PCGF6: variants seen among roughly 807,000 people sequenced by gnomAD.
PCGF6 encodes the protein polycomb group ring finger 6.
PCGF6 carries 24 observed loss-of-function variants against 45.5 expected under a neutral mutation model. The observed-to-expected ratio is 0.53, with a 90% CI of 0.38 to 0.74. The LOEUF (loss-of-function observed/expected upper bound fraction) is 0.74. Ranked by LOEUF, PCGF6 falls within the 30% of genes least tolerant of loss-of-function variation. The probability of loss-of-function intolerance (pLI) is 0.00; values close to 1 mark genes in which losing one functional copy is unlikely to be tolerated. For synonymous variants in PCGF6, 152 were observed against 162.1 expected, an observed-to-expected ratio of 0.94 and a Z score of 0.47; for missense variants, 356 against 443.2, an observed-to-expected ratio of 0.80 and a Z score of 1.77.
chr10:103,334,023 T>A, intron 6 of PCGF6, 71 bp from the exon 7 acceptor site: 1 of 1,038,914 alleles, frequency 9.6e-7, no homozygotes, highest in Non-Finnish European at 1.3e-6. Context: ...AAACAACATA[T>A]ATAAATATTT....
rs1337637382 is a variant in PCGF6 at position 103,345,132 on chromosome 10, G to A, written c.674C>T (p.Ala225Val). The stretch of plus-strand genomic sequence containing the variant: ...GCTTGAAGGGACTGGCTGTGGAACA[G>A]CTATTTAATAGTCAAACAAAAATGT... ...KERGLEVPKP[A>V]VPQPVPSSKG... The change falls in exon 6 of 10, where the codon GCT (alanine) becomes GTT (valine). Residue 225 changes from alanine (A) to valine (V), a missense_variant and splice_region_variant. By Grantham distance (64) the Ala-to-Val change is moderately conservative. Around this residue, in one of 2 missense-constraint regions of PCGF6, gnomAD observed 307 missense variants for 350.1 expected, o/e 0.88. Transcript: ENST00000369847. The A allele has an allele frequency of 1.6e-5, 25 of 1,585,852 alleles. No individual in the cohort carries two copies. Among genetic ancestry groups the A allele is most frequent in the Non-Finnish European group, 2.1e-5 (24 of 1,166,602 alleles).
chr10:103,345,026 A>G lies in PCGF6; in HGVS notation c.780T>C (p.Ile260=). The G allele has an allele frequency of 6.3e-7, 1 of 1,587,366 alleles. No homozygotes were observed. Among genetic ancestry groups the G allele is most frequent in the Non-Finnish European group, 8.6e-7 (1 of 1,161,206 alleles). The change falls in exon 6 of 10, where the codon ATT becomes ATC. Residue 260 remains isoleucine, a splice_region_variant and synonymous_variant. Coordinates refer to ENST00000369847, the MANE Select transcript of PCGF6 (RefSeq NM_001011663.2). The part of the protein sequence containing the change: ...ELDMSLLLEF[I]GANEGTGHFK... The stretch of plus-strand genomic sequence containing the variant: ...AGGTAAATTTTTAGGGTACTCACCC[A>G]ATGAACTCCAGTAATAAAGACATAT...
At chr10:103,312,347 C>G (rs781638792) in intron 9 of PCGF6, 1 of 151,158 alleles carries the variant, frequency 6.6e-6, no homozygotes, top group Non-Finnish European at 1.5e-5. Flanking sequence ...GAGCTGAGAT[C>G]GCACCACTGC....
chr10:103,334,661 C>T (rs958057301), intron 6 of PCGF6, among the ~76,000 whole-genome samples: 2 of 152,092 alleles, frequency 1.3e-5, no homozygotes, highest in African/African-American at 4.8e-5. Context: ...ATTACCTGGA[C>T]ATAATTTTAC....
intron 8 of PCGF6, among the ~76,000 whole-genome samples, chr10:103,324,274 T>C (rs2093208337): frequency 6.8e-6 from 1 of 148,128 alleles, no homozygotes; most frequent in Non-Finnish European, 1.5e-5. Flanking sequence ...AATTATTCTA[T>C]AAAACTTAAC....
chr10:103,343,399 G>A (rs2093288058), intron 6 of PCGF6, among the ~76,000 whole-genome samples: 1 of 151,910 alleles, frequency 6.6e-6, no homozygotes, highest in Non-Finnish European at 1.5e-5. Flanking sequence ...TTTTTTCCAA[G>A]AAAGGCATTT....
At chr10:103,322,698 C>A (rs2093202017) in intron 8 of PCGF6, among the ~76,000 whole-genome samples, 1 of 151,952 alleles carries the variant, frequency 6.6e-6, no homozygotes, top group Admixed American at 6.6e-5. Context: ...GTGGCATGCA[C>A]CTCTAATCCC....
intron 9 of PCGF6, among the ~76,000 whole-genome samples, chr10:103,312,833 T>C (rs532387512): frequency 6.6e-6 from 1 of 152,000 alleles, no homozygotes; most frequent in Non-Finnish European, 1.5e-5. Context: ...TGGTGGCGCA[T>C]GCCTGTAAAC....
rs141464281 is a variant in PCGF6, at chr10:103,339,186, G to A, written c.783-5234C>T. Reference sequence around the variant, plus strand: ...TCCCATCATTTTGGGAGGCCAAGGCGGGTAGATTGCTTGAGCCAGGAGTTC... The same window carrying A: ...TCCCATCATTTTGGGAGGCCAAGGCAGGTAGATTGCTTGAGCCAGGAGTTC... On this transcript the variant is annotated intron_variant, in intron 6 of 9. Coordinates refer to ENST00000369847, the MANE Select transcript of PCGF6 (RefSeq NM_001011663.2). 1.4e-3 allele frequency among the ~76,000 whole-genome samples: 216 copies of A among 149,532 alleles called. 1 individual carries two copies. The highest frequency in any genetic ancestry group is 5.2e-3 in the African/African-American group (210 of 40,708).
In PCGF6 at chr10:103,350,869, C is replaced by A; in HGVS notation, c.198G>T (p.Pro66=). 1.9e-6 allele frequency: 3 copies of A among 1,539,616 alleles called. No individual in the cohort carries two copies. Among genetic ancestry groups the A allele is most frequent in the Non-Finnish European group, 2.6e-6 (3 of 1,143,550 alleles). Residue 66 remains proline, a synonymous_variant, in exon 1 of 10, where the codon CCG becomes CCT. Transcript: ENST00000369847. ...CSGSRPPELE[P]ERSLGRFRGR... is the part of the protein sequence containing the mutation. ...CTCTGAAGCGGCCCAGGCTGCGCTCCGGCTCCAGCTCAGGGGGCCGGGAGC... is the reference window on the plus strand; with the variant it reads ...CTCTGAAGCGGCCCAGGCTGCGCTCAGGCTCCAGCTCAGGGGGCCGGGAGC...
intron 6 of PCGF6, among the ~76,000 whole-genome samples, chr10:103,335,623 A>C (rs1379191121): frequency 6.6e-6 from 1 of 151,820 alleles, no homozygotes; most frequent in Non-Finnish European, 1.5e-5. Flanking sequence ...GGCCTCCCAA[A>C]GTGCTAGGAT....
intron 8 of PCGF6, among the ~76,000 whole-genome samples, chr10:103,316,019 G>GAC (rs2093175072): frequency 2.0e-5 from 3 of 146,592 alleles, no homozygotes; most frequent in Admixed American, 7.2e-5. Context: ...TATATAGAGA[G>GAC]AGAGAGAGAG....
intron 6 of PCGF6, among the ~76,000 whole-genome samples, chr10:103,336,653 T>G (rs760346270): frequency 1.3e-5 from 2 of 152,118 alleles, no homozygotes; most frequent in African/African-American, 4.8e-5. Context: ...GGTAGGTGGA[T>G]CGCTTGAGGT....
At chr10:103,326,446 A>G (rs1382666230) in intron 8 of PCGF6, 88 bp downstream of exon 8, 2 of 775,114 alleles carry the variant, frequency 2.6e-6, no homozygotes, top group East Asian at 5.6e-5. Flanking sequence ...AACAAAAATA[A>G]TTGCATGAAA....
In PCGF6 at chr10:103,346,014, G is replaced by C. The variant is rs1371191954; in HGVS notation, c.674-882C>G. Among the ~76,000 whole-genome samples, 3 of 151,398 alleles carry C rather than the reference G, an allele frequency of 2.0e-5. No individual in the cohort carries two copies. The East Asian group carries it at 5.9e-4, about 30-fold the overall frequency. On this transcript the variant is annotated intron_variant, in intron 5 of 9. Transcript: ENST00000369847. ...TCGGGACCAGCCTGGCCAACATGGT[G>C]AAACCCCATCTCTACTAAAAATACA...
chr10:103,322,998 G>C (rs1366292031), intron 8 of PCGF6, among the ~76,000 whole-genome samples: 1 of 151,930 alleles, frequency 6.6e-6, no homozygotes, highest in Non-Finnish European at 1.5e-5. Context: ...GGTCCTCCTG[G>C]GTATCACTTC....
Position 103,325,142 on chromosome 10 carries a change from TAAATAAAATAAAATAAAATAAAATA to T in PCGF6, c.909+1367_909+1391del, listed in dbSNP as rs202037510. 2.8e-5 allele frequency among the ~76,000 whole-genome samples: 4 copies of T among 145,092 alleles called. No individual in the cohort carries two copies. In the East Asian group the frequency reaches 8.0e-4, roughly 29 times the overall value. ...AGAGTGGGACTCAGTCTCAAAATAA[TAAATAAAATAAAATAAAATAAAATA>T]AAATAAAATAAAATAAAATAATAGG... On this transcript the variant is annotated intron_variant, in intron 8 of 9. Transcript: ENST00000369847.
chr10:103,326,505 A>T, intron 8 of PCGF6, 29 bp downstream of exon 8: 1 of 1,439,718 alleles, frequency 6.9e-7, no homozygotes, highest in Non-Finnish European at 9.5e-7. Context: ...TCACAACTTT[A>T]CCTATTCTTT....
intron 1 of PCGF6, among the ~76,000 whole-genome samples, chr10:103,349,340 G>A (rs894639948): frequency 4.0e-5 from 6 of 151,846 alleles, no homozygotes; most frequent in African/African-American, 1.5e-4. Flanking sequence ...GAGCCACCGC[G>A]CTCAGTCCAC....
Sources: gnomAD v4.1 joint callset for allele counts (sites outside exome capture counted in the v4.1 genomes callset) on GRCh38, gnomAD v4.1.1 for gene constraint, gnomAD v4.1.1 regional missense constraint, MANE v1.5 for transcripts, NCBI Gene and HGNC (gene_info 2026-07-23, HGNC 2026-07-21) for gene names.